NKAIN1: variants seen among roughly 807,000 people sequenced by gnomAD.
NKAIN1 encodes the protein sodium/potassium transporting ATPase interacting 1, also known as sodium/potassium-transporting ATPase subunit beta-1-interacting protein 1.
A neutral mutation model predicts 31.6 loss-of-function variants in NKAIN1; 13 were observed. The observed-to-expected ratio is 0.41, with a 90% confidence interval of 0.27 to 0.65. The LOEUF is 0.65. NKAIN1 is among the 30% of genes least tolerant of loss of function. The probability of loss-of-function intolerance (pLI) is 0.30; values close to 1 mark genes in which losing one functional copy is unlikely to be tolerated. For synonymous variants in NKAIN1, 104 were observed against 109.0 expected, an observed-to-expected ratio of 0.95 and a Z score of 0.28; for missense variants, 193 against 262.2, an observed-to-expected ratio of 0.74 and a Z score of 1.82.
Position 31,225,622 on chromosome 1 carries a change from C to G in NKAIN1, c.54+13872G>C, listed in dbSNP as rs1236661260. ...AGATTACAGGTATGAGCCACCACGC[C>G]TCACAGTCCATTTCTGGACTTCAGT... On this transcript the variant is annotated intron_variant, in intron 1 of 6. Transcript: ENST00000373736. Among the ~76,000 whole-genome samples the G allele has an allele frequency of 2.0e-5, 3 of 152,136 alleles. No homozygotes were observed. The South Asian group carries it at 6.2e-4, about 31-fold the overall frequency.
At position 31,181,507 on chromosome 1, in the gene NKAIN1, G is replaced by T; in HGVS notation, c.*196C>A. 1 of 458,942 alleles carries T rather than the reference G, an allele frequency of 2.2e-6. No homozygotes were observed. The highest frequency in any genetic ancestry group is 3.7e-6 in the Non-Finnish European group (1 of 269,222). 28.4% of individuals were successfully genotyped at this position (458,942 alleles called of 1,614,324 possible). On this transcript the variant is annotated 3_prime_UTR_variant, in exon 7 of 7. Coordinates refer to ENST00000373736, the MANE Select transcript of NKAIN1 (RefSeq NM_024522.3). ...GCCCCACTCCTCCGAAGTCCGGGCT[G>T]CGAAGAGCCAAGCTCAAATCCAAGT...
At chr1:31,212,055 C>T (rs896376343) in intron 1 of NKAIN1, among the ~76,000 whole-genome samples, 1 of 152,034 alleles carries the variant, frequency 6.6e-6, no homozygotes. Context: ...TCAAAACTTA[C>T]AATGACAAAG....
chr1:31,238,649 A>G (rs1645709523), intron 1 of NKAIN1, among the ~76,000 whole-genome samples: 1 of 152,132 alleles, frequency 6.6e-6, no homozygotes, highest in Admixed American at 6.5e-5. Context: ...GTGTCCTCAG[A>G]TGCTCTGGTC....
chr1:31,200,056 C>T lies in NKAIN1; in HGVS notation c.55-11869G>A, dbSNP rs181523882. Among the ~76,000 whole-genome samples the T allele has an allele frequency of 9.3e-5, 14 of 151,044 alleles. No homozygotes were observed. In the East Asian group the frequency reaches 1.4e-3, roughly 15 times the overall value. On this transcript the variant is annotated intron_variant, in intron 1 of 6. Coordinates refer to ENST00000373736, the MANE Select transcript of NKAIN1 (RefSeq NM_024522.3). ...ACACACACATGCACACGTGCACACA[C>T]GCACGCGCACGCACGAACACATGCG...
intron 1 of NKAIN1, among the ~76,000 whole-genome samples, chr1:31,211,811 G>A (rs1299778329): frequency 1.3e-5 from 2 of 152,032 alleles, no homozygotes; most frequent in Non-Finnish European, 2.9e-5. Flanking sequence ...GCGTGGTGAC[G>A]CATGCCTGTA....
chr1:31,205,401 T>C (rs1205997985), intron 1 of NKAIN1, among the ~76,000 whole-genome samples: 1 of 152,020 alleles, frequency 6.6e-6, no homozygotes, highest in Non-Finnish European at 1.5e-5. Flanking sequence ...TTCTGCCTTC[T>C]GGGTTCAAGC....
rs751092180 is a variant in NKAIN1 at position 31,188,074 on chromosome 1, C to T, written c.168G>A (p.Gln56=). ...CCAGGATGAGGTACCGGGAGCGGTA[C>T]TGCACGGTGCCAAAGATGCCCAGGA... ...AVILGIFGTV[Q]YRSRYLILYA... The change falls in exon 2 of 7, where the codon CAG becomes CAA. Residue 56 remains glutamine (Q), a synonymous_variant. Coordinates refer to ENST00000373736, the MANE Select transcript of NKAIN1 (RefSeq NM_024522.3). 68 of 1,553,940 alleles carry T rather than the reference C, an allele frequency of 4.4e-5. No homozygotes were observed. Among genetic ancestry groups the T allele is most frequent in the Non-Finnish European group, 5.5e-5 (63 of 1,148,348 alleles).
chr1:31,182,449 C>A, intron 5 of NKAIN1, 81 bp downstream of exon 5: 1 of 1,520,200 alleles, frequency 6.6e-7, no homozygotes, highest in South Asian at 1.1e-5. Flanking sequence ...TCCCTCCCGC[C>A]GGGGCCAGTC....
At chr1:31,214,573 G>T (rs1405099663) in intron 1 of NKAIN1, among the ~76,000 whole-genome samples, 1 of 152,136 alleles carries the variant, frequency 6.6e-6, no homozygotes, top group Non-Finnish European at 1.5e-5. Context: ...ATGTGTTTGT[G>T]CATGCGTGTG....
At chr1:31,200,025 G>GCACACACA (rs3046275) in intron 1 of NKAIN1, among the ~76,000 whole-genome samples, 11,105 of 49,374 alleles carry the variant, frequency 0.22, 986 homozygotes, top group African/African-American at 0.29. Flanking sequence ...ACACACACAC[G>GCACACACA]CACACACACA....
intron 1 of NKAIN1, among the ~76,000 whole-genome samples, chr1:31,200,093 TCA>T (rs1352501655): frequency 2.0e-5 from 3 of 151,786 alleles, no homozygotes; most frequent in African/African-American, 7.3e-5. Flanking sequence ...GCACACGCAT[TCA>T]CACACACGCA....
At chr1:31,195,832 G>A (rs984324573) in intron 1 of NKAIN1, among the ~76,000 whole-genome samples, 5 of 150,922 alleles carry the variant, frequency 3.3e-5, no homozygotes, top group African/African-American at 1.2e-4. Flanking sequence ...GGCTGAGGTG[G>A]GAGGATTGCT....
chr1:31,230,709 A>G lies in NKAIN1; in HGVS notation c.54+8785T>C, dbSNP rs116616733. ...GGCCTGGATCTAGTGTTCAATTTAA[A>G]AAATGTTTTTAATTTTTAATTTTTG... On this transcript the variant is annotated intron_variant, in intron 1 of 6. Transcript: ENST00000373736. Among the ~76,000 whole-genome samples the G allele has an allele frequency of 7.9e-3, 1,198 of 152,026 alleles. 12 individuals carry two copies. Among genetic ancestry groups the G allele is most frequent in the African/African-American group, 0.027 (1,135 of 41,480 alleles).
At chr1:31,224,218 A>G (rs1422839060) in intron 1 of NKAIN1, among the ~76,000 whole-genome samples, 4 of 152,146 alleles carry the variant, frequency 2.6e-5, no homozygotes, top group African/African-American at 9.7e-5. Flanking sequence ...AGAGCCGATG[A>G]TAGGAGTGGT....
In NKAIN1 at chr1:31,181,637, T is replaced by C; in HGVS notation, c.*66A>G. 7.0e-7 allele frequency: 1 copy of C among 1,418,502 alleles called. No individual in the cohort carries two copies. The highest frequency in any genetic ancestry group is 9.3e-7 in the Non-Finnish European group (1 of 1,077,380). The allele number at this position is 1,418,502 out of a possible 1,614,324, so 87.9% of individuals were successfully genotyped here. A position where few individuals can be genotyped will look rare whatever the true frequency, so the allele number is the denominator to read the frequency against. On this transcript the variant is annotated 3_prime_UTR_variant, in exon 7 of 7. Coordinates refer to ENST00000373736, the MANE Select transcript of NKAIN1 (RefSeq NM_024522.3). Reference sequence around the variant, plus strand: ...CCACCAGGGGGACACGCCTGCGCCTTGGCCCGAGCTCGCGGCAGCTGCGGT... The same window carrying C: ...CCACCAGGGGGACACGCCTGCGCCTCGGCCCGAGCTCGCGGCAGCTGCGGT...
At chr1:31,223,341 A>T (rs1199594906) in intron 1 of NKAIN1, among the ~76,000 whole-genome samples, 1 of 140,188 alleles carries the variant, frequency 7.1e-6, no homozygotes, top group Non-Finnish European at 1.5e-5. Context: ...GCTCCACTGC[A>T]CTCCAGCCTG....
intron 1 of NKAIN1, among the ~76,000 whole-genome samples, chr1:31,236,394 A>G (rs1645692716): frequency 6.6e-6 from 1 of 152,192 alleles, no homozygotes; most frequent in African/African-American, 2.4e-5. Context: ...AGAAAGAAAA[A>G]TGACACAGTT....
At chr1:31,205,722 A>G (rs927067048) in intron 1 of NKAIN1, among the ~76,000 whole-genome samples, 4 of 143,796 alleles carry the variant, frequency 2.8e-5, no homozygotes, top group Non-Finnish European at 6.0e-5. Context: ...TCCCAGGTGT[A>G]AGCAATTCTC....
At chr1:31,201,308 C>T (rs1037349379) in intron 1 of NKAIN1, among the ~76,000 whole-genome samples, 5 of 151,924 alleles carry the variant, frequency 3.3e-5, no homozygotes, top group Non-Finnish European at 7.4e-5. Context: ...CTTTATGGAG[C>T]ACTCATTGTC....
Sources: gnomAD v4.1 joint callset for allele counts (sites outside exome capture counted in the v4.1 genomes callset) on GRCh38, gnomAD v4.1.1 for gene constraint, MANE v1.5 for transcripts, NCBI Gene and HGNC (gene_info 2026-07-23, HGNC 2026-07-21) for gene names.